The following STON1 variants were observed in gnomAD, a reference collection of about 807,000 sequenced individuals.
STON1 encodes stonin-1.
Under a neutral mutation model 60.9 loss-of-function variants are expected in STON1, and 79 were observed. The observed-to-expected ratio is 1.30, with a 90% CI of 1.08 to 1.56. STON1 has a LOEUF of 1.56. Ranked by LOEUF, STON1 falls within the 40% of genes most tolerant of loss-of-function variation. The probability of loss-of-function intolerance (pLI) is 0.00; values close to 1 mark genes in which losing one functional copy is unlikely to be tolerated. For missense variants in STON1, 1,166 were observed against 858.9 expected (o/e 1.36, Z -4.47); for synonymous variants, 363 against 306.9 (o/e 1.18, Z -1.91).
In STON1 at chr2:48,532,327, C is replaced by T. The variant is rs189651365; in HGVS notation, c.-48+2111C>T. On this transcript the variant is annotated intron_variant, in intron 1 of 3. Transcript: ENST00000404752. ...TTACACCACTGCACTCCATCCTGGG[C>T]GACACAGCAAGACTCTGTCTAAATA... Among the ~76,000 whole-genome samples, 1,110 of 148,212 alleles carry T rather than the reference C, an allele frequency of 7.5e-3. 7 individuals are homozygous for T. Among genetic ancestry groups the T allele is most frequent in the Non-Finnish European group, 9.0e-3 (610 of 67,502 alleles).
chr2:48,554,647 G>T (rs1390108960), intron 1 of STON1, among the ~76,000 whole-genome samples: 4 of 151,938 alleles, frequency 2.6e-5, no homozygotes, highest in African/African-American at 9.7e-5. Context: ...GAAAATGTCA[G>T]TTGGCACATC....
In STON1 at chr2:48,595,626, T is replaced by A. The variant is rs1674754615; in HGVS notation, c.*324T>A. On this transcript the variant is annotated 3_prime_UTR_variant, in exon 4 of 4. Transcript: ENST00000404752. Reference sequence around the variant, plus strand: ...TTTGATTACTCAGTGGCTGACTGTTTTGCTCTCTGGATTACTGAGGTGCCG... The same window carrying A: ...TTTGATTACTCAGTGGCTGACTGTTATGCTCTCTGGATTACTGAGGTGCCG... 1 of 306,900 alleles carries A rather than the reference T, an allele frequency of 3.3e-6. No homozygotes were observed. Among genetic ancestry groups the A allele is most frequent in the Non-Finnish European group, 6.0e-6 (1 of 165,378 alleles). 19.0% of individuals were successfully genotyped at this position (306,900 alleles called of 1,614,324 possible).
chr2:48,584,311 T>C (rs953034935), intron 2 of STON1, among the ~76,000 whole-genome samples: 26 of 152,028 alleles, frequency 1.7e-4, no homozygotes, highest in Admixed American at 1.3e-4. Flanking sequence ...TCTTACTCTG[T>C]TGCTCAGGCT....
chr2:48,575,702 A>G (rs1673449268), intron 1 of STON1, among the ~76,000 whole-genome samples: 1 of 151,290 alleles, frequency 6.6e-6, no homozygotes, highest in South Asian at 2.1e-4. Context: ...TCTTTTGGAT[A>G]AATACCCGTA....
chr2:48,587,654 G>A (rs1054850901), intron 2 of STON1, among the ~76,000 whole-genome samples: 3 of 152,140 alleles, frequency 2.0e-5, no homozygotes, highest in Admixed American at 2.0e-4. Context: ...ACATTTCCAG[G>A]GAAACTGGCT....
chr2:48,571,232 G>C (rs1572961820), intron 1 of STON1, among the ~76,000 whole-genome samples: 1 of 152,164 alleles, frequency 6.6e-6, no homozygotes, highest in Non-Finnish European at 1.5e-5. Context: ...CCTTTGAAAA[G>C]TATGGGGCAT....
intron 2 of STON1, among the ~76,000 whole-genome samples, chr2:48,585,121 G>A (rs1674133544): frequency 6.6e-6 from 1 of 152,178 alleles, no homozygotes; most frequent in Non-Finnish European, 1.5e-5. Flanking sequence ...GCAGAGTGAG[G>A]TGGTGATGGT....
chr2:48,564,187 C>A (rs1052620477), intron 1 of STON1, among the ~76,000 whole-genome samples: 4 of 152,138 alleles, frequency 2.6e-5, no homozygotes, highest in Non-Finnish European at 5.9e-5. Context: ...ATGGTATCTT[C>A]AAGAATGTCT....
chr2:48,533,220 A>G (rs1385902234), intron 1 of STON1, among the ~76,000 whole-genome samples: 2 of 152,052 alleles, frequency 1.3e-5, no homozygotes, highest in Non-Finnish European at 2.9e-5. Context: ...CGTCTCTACT[A>G]AAAACACAAA....
At position 48,581,128 on chromosome 2, in the gene STON1, C is replaced by T; in HGVS notation, c.495C>T (p.Phe165=). 6.3e-7 allele frequency: 1 copy of T among 1,588,050 alleles called. No homozygotes were observed. The highest frequency in any genetic ancestry group is 8.5e-7 in the Non-Finnish European group (1 of 1,171,336). The part of the protein sequence containing the change: ...VNPQQAESLG[F]QSDDLPQFQY... ...CTCAACAGGCTGAAAGCCTAGGATTCCAAAGTGATGATCTCCCCCAGTTTC... is the reference window on the plus strand; with the variant it reads ...CTCAACAGGCTGAAAGCCTAGGATTTCAAAGTGATGATCTCCCCCAGTTTC... Residue 165 remains phenylalanine, a synonymous_variant, in exon 2 of 4, where the codon TTC becomes TTT. Coordinates refer to ENST00000404752, the MANE Select transcript of STON1 (RefSeq NM_006873.4).
At chr2:48,584,267 G>GCT in intron 2 of STON1, among the ~76,000 whole-genome samples, 1 of 151,792 alleles carries the variant, frequency 6.6e-6, no homozygotes, top group Non-Finnish European at 1.5e-5. Context: ...CTCAAACCTG[G>GCT]CTATATTATT....
intron 1 of STON1, among the ~76,000 whole-genome samples, chr2:48,573,315 G>T (rs988879868): frequency 7.2e-5 from 11 of 152,132 alleles, no homozygotes; most frequent in African/African-American, 2.7e-4. Context: ...CTTGGAAACA[G>T]CAGGATCCCA....
intron 1 of STON1, among the ~76,000 whole-genome samples, chr2:48,578,584 T>A (rs1216616221): frequency 7.1e-4 from 57 of 80,160 alleles, no homozygotes; most frequent in Non-Finnish European, 1.3e-3. Context: ...CTCCTTCCTT[T>A]TTTTTTTTTT....
At chr2:48,592,148 C>T (rs1674557995) in intron 3 of STON1, among the ~76,000 whole-genome samples, 2 of 152,074 alleles carry the variant, frequency 1.3e-5, no homozygotes. Context: ...GTTAGGACAC[C>T]ATTTCTCAAA....
chr2:48,585,501 G>A (rs1434533096), intron 2 of STON1, among the ~76,000 whole-genome samples: 2 of 152,030 alleles, frequency 1.3e-5, no homozygotes, highest in South Asian at 2.1e-4. Flanking sequence ...CACCCGCCTC[G>A]GCCTCCCAAA....
At chr2:48,586,209 T>C (rs1354137595) in intron 2 of STON1, among the ~76,000 whole-genome samples, 1 of 152,252 alleles carries the variant, frequency 6.6e-6, no homozygotes, top group East Asian at 1.9e-4. Context: ...CTGCATTTTT[T>C]TCAGAGTCAT....
chr2:48,540,381 C>G (rs1013372017), intron 1 of STON1, among the ~76,000 whole-genome samples: 2 of 152,172 alleles, frequency 1.3e-5, no homozygotes, highest in African/African-American at 4.8e-5. Context: ...AGGCAGGACT[C>G]TAATGTTCCG....
At position 48,580,582 on chromosome 2, in the gene STON1, A is replaced by C; in HGVS notation, c.-47-5A>C. 7 of 1,318,056 alleles carry C rather than the reference A, an allele frequency of 5.3e-6. No homozygotes were observed. The highest frequency in any genetic ancestry group is 6.8e-6 in the Non-Finnish European group (7 of 1,025,052). The allele number at this position is 1,318,056 out of a possible 1,614,324, so 81.6% of individuals were successfully genotyped here. A position where few individuals can be genotyped will look rare whatever the true frequency, so the allele number is the denominator to read the frequency against. On this transcript the variant is annotated splice_polypyrimidine_tract_variant and splice_region_variant and intron_variant, in intron 1 of 3. Coordinates refer to ENST00000404752, the MANE Select transcript of STON1 (RefSeq NM_006873.4). ...TATTTTCTCTTTATTTTATTTTTTT[A>C]ACAGAGTCAACCTATTTGATTTCTT...
At chr2:48,591,018 G>A (rs1016223173) in intron 2 of STON1, among the ~76,000 whole-genome samples, 3 of 152,004 alleles carry the variant, frequency 2.0e-5, no homozygotes, top group Non-Finnish European at 4.4e-5. Context: ...TAAATAGATG[G>A]TAAGGAAATG....
Sources: allele counts gnomAD v4.1 joint callset (sites outside exome capture counted in the v4.1 genomes callset), GRCh38; gene constraint gnomAD v4.1.1; transcripts MANE v1.5; gene names NCBI Gene and HGNC (gene_info 2026-07-23, HGNC 2026-07-21).